Variants in COL13A1 observed in about 807,000 individuals in gnomAD.
COL13A1 encodes the protein collagen alpha-1(XIII) chain.
A neutral mutation model predicts 130.9 loss-of-function variants in COL13A1; 89 were observed. The observed-to-expected ratio is 0.68, with a 90% confidence interval of 0.57 to 0.81. The LOEUF is 0.81. COL13A1 is among the 30% of genes least tolerant of loss of function. The pLI is 0.00. For synonymous variants in COL13A1, 402 were observed against 341.6 expected (o/e 1.18, Z -1.95); for missense variants, 879 against 934.6 (o/e 0.94, Z 0.78).
At chr10:69,889,214 G>T (rs538126366) in intron 9 of COL13A1, among the ~76,000 whole-genome samples, 200 bp from the exon 10 acceptor site, 1 of 152,366 alleles carries the variant, frequency 6.6e-6, no homozygotes, top group East Asian at 1.9e-4. Context: ...GGCCCAGCGA[G>T]GGGCAGTGAG....
intron 2 of COL13A1, chr10:69,824,227 T>C (rs1246963036): frequency 8.7e-6 from 4 of 457,798 alleles, no homozygotes; most frequent in Non-Finnish European, 1.8e-5. Flanking sequence ...TCTTCTCTGA[T>C]TCCTAGTAAG....
chr10:69,864,453 C>A (rs1281375772), intron 2 of COL13A1, among the ~76,000 whole-genome samples: 3 of 152,106 alleles, frequency 2.0e-5, no homozygotes, highest in African/African-American at 4.8e-5. Flanking sequence ...GGCTTCTCAG[C>A]GGGAGGAAAT....
chr10:69,846,446 C>T, intron 2 of COL13A1, among the ~76,000 whole-genome samples: 1 of 152,174 alleles, frequency 6.6e-6, no homozygotes, highest in Non-Finnish European at 1.5e-5. Flanking sequence ...AGACGGCCAG[C>T]CCAGCACACC....
In COL13A1 at chr10:69,887,480, C is replaced by T. The variant is rs1226884855; in HGVS notation, c.538C>T (p.Pro180Ser). The T allele has an allele frequency of 8.7e-6, 14 of 1,613,448 alleles. No homozygotes were observed. In the Admixed American group the frequency reaches 2.3e-4, roughly 27 times the overall value. The change falls in exon 8 of 41, where the codon CCT (proline) becomes TCT (serine). Residue 180 changes from proline (P) to serine (S), a missense_variant. Pro to Ser is a moderately conservative substitution (Grantham distance 74). Around this residue, in one of 3 missense-constraint regions of COL13A1, gnomAD observed 715 missense variants for 721.0 expected, o/e 0.99. Coordinates refer to ENST00000645393, the MANE Select transcript of COL13A1 (RefSeq NM_001368882.1). ...PPGQPGTRGF[P>S]GFPGPIGLDG... ...GGGTCAACCAGGAACTAGAGGTTTC[C>T]CTGGATTTCCGGTAAGTGGAGAAGG...
chr10:69,923,973 C>A, intron 24 of COL13A1, 118 bp downstream of exon 24: 2 of 1,352,260 alleles, frequency 1.5e-6, no homozygotes, highest in Non-Finnish European at 2.0e-6. Flanking sequence ...GCCATGACCA[C>A]TGGCTTCCCT....
Position 69,933,812 on chromosome 10 carries a change from A to G in COL13A1, c.1728+1208A>G, listed in dbSNP as rs2066472826. 2.6e-5 allele frequency among the ~76,000 whole-genome samples: 4 copies of G among 152,324 alleles called. 1 individual carries two copies. The South Asian group carries it at 6.2e-4, about 24-fold the overall frequency. On this transcript the variant is annotated intron_variant, in intron 31 of 40. Transcript: ENST00000645393. Reference sequence around the variant, plus strand: ...TTAAATAACTTATAGTAATAATACTAATAGTAATAATAGTCACCACGTCTG... The same window carrying G: ...TTAAATAACTTATAGTAATAATACTGATAGTAATAATAGTCACCACGTCTG...
At chr10:69,858,061 A>G (rs1856933379) in intron 2 of COL13A1, among the ~76,000 whole-genome samples, 1 of 144,030 alleles carries the variant, frequency 6.9e-6, no homozygotes. Flanking sequence ...GGTTGCAGTG[A>G]GCCGAGATCG....
chr10:69,874,671 T>C (rs1242835472), intron 4 of COL13A1, among the ~76,000 whole-genome samples: 1 of 152,210 alleles, frequency 6.6e-6, no homozygotes, highest in African/African-American at 2.4e-5. Flanking sequence ...GCTCTCCAGC[T>C]CTGGCAGAGA....
intron 32 of COL13A1, among the ~76,000 whole-genome samples, 157 bp downstream of exon 32, chr10:69,935,548 T>G (rs1190659805): frequency 6.6e-6 from 1 of 152,226 alleles, no homozygotes; most frequent in Admixed American, 6.5e-5. Flanking sequence ...CCTCCCATGT[T>G]AAACAGCACC....
intron 2 of COL13A1, among the ~76,000 whole-genome samples, chr10:69,859,554 G>C (rs1857395579): frequency 6.6e-6 from 1 of 152,262 alleles, no homozygotes; most frequent in East Asian, 1.9e-4. Context: ...ACACTGGCGA[G>C]ATCCGGTGTC....
At chr10:69,950,502 G>T (rs1214339048) in intron 38 of COL13A1, among the ~76,000 whole-genome samples, 1 of 152,122 alleles carries the variant, frequency 6.6e-6, no homozygotes, top group Non-Finnish European at 1.5e-5. Flanking sequence ...TGGCAGATTT[G>T]CCCGGCTTCT....
At chr10:69,809,649 A>G (rs1450076649) in intron 1 of COL13A1, among the ~76,000 whole-genome samples, 1 of 152,142 alleles carries the variant, frequency 6.6e-6, no homozygotes, top group Non-Finnish European at 1.5e-5. Context: ...TACCTCTCTA[A>G]CTCTGCTGAG....
chr10:69,833,890 G>C (rs1849401665), intron 2 of COL13A1, among the ~76,000 whole-genome samples: 4 of 152,162 alleles, frequency 2.6e-5, no homozygotes, highest in Non-Finnish European at 5.9e-5. Context: ...AGACCGTGGA[G>C]GGAGTTGGAC....
Position 69,887,356 on chromosome 10 carries a change from A to G in COL13A1, c.514-100A>G. 3.1e-6 allele frequency: 4 copies of G among 1,271,946 alleles called. No homozygotes were observed. In the South Asian group the frequency reaches 3.8e-5, roughly 12 times the overall value. 78.8% of individuals were successfully genotyped at this position (1,271,946 alleles called of 1,614,324 possible). ...GAGTGTCCCCCAAGGACGATCACAC[A>G]AAGTGAGAGGGATGGGAGCAAAGAT... On this transcript the variant is annotated intron_variant, in intron 7 of 40. Transcript: ENST00000645393.
intron 2 of COL13A1, among the ~76,000 whole-genome samples, chr10:69,827,213 T>C (rs1426294218): frequency 6.6e-6 from 1 of 152,054 alleles, no homozygotes; most frequent in Non-Finnish European, 1.5e-5. Flanking sequence ...AATCTGGAGC[T>C]CAGAGCAGTA....
chr10:69,832,966 G>A (rs1849165437), intron 2 of COL13A1, among the ~76,000 whole-genome samples: 1 of 152,208 alleles, frequency 6.6e-6, no homozygotes, highest in Non-Finnish European at 1.5e-5. Context: ...ATTGTCCAAG[G>A]AACTCTCCAG....
chr10:69,863,829 C>T (rs991063574), intron 2 of COL13A1, among the ~76,000 whole-genome samples: 2 of 152,136 alleles, frequency 1.3e-5, no homozygotes, highest in African/African-American at 4.8e-5. Context: ...ATAATCCCAG[C>T]ACTTTGGGAG....
At chr10:69,832,442 T>C (rs768547594) in intron 2 of COL13A1, among the ~76,000 whole-genome samples, 68 of 152,224 alleles carry the variant, frequency 4.5e-4, no homozygotes, top group African/African-American at 1.4e-4. Flanking sequence ...TACAGGGTTA[T>C]TATGAAAGTT....
intron 21 of COL13A1, among the ~76,000 whole-genome samples, chr10:69,920,425 C>T (rs1230396880): frequency 1.3e-5 from 2 of 152,166 alleles, no homozygotes; most frequent in African/African-American, 4.8e-5. Flanking sequence ...CTGCTGTGCA[C>T]TGAATATGTC....
Sources: allele counts gnomAD v4.1 joint callset (sites outside exome capture counted in the v4.1 genomes callset), GRCh38; gene constraint gnomAD v4.1.1; regional missense constraint gnomAD v4.1.1; transcripts MANE v1.5; gene names NCBI Gene and HGNC (gene_info 2026-07-23, HGNC 2026-07-21).